The following NCR1 variants were observed in gnomAD, a reference collection of about 807,000 sequenced individuals.
The protein encoded by NCR1 is natural cytotoxicity triggering receptor 1.
NCR1 carries 30 observed loss-of-function variants against 32.5 expected under a neutral mutation model. The ratio of observed to expected loss-of-function variants is 0.92; its 90% CI spans 0.69 to 1.25. NCR1 has a LOEUF of 1.25. NCR1 is among the 50% of genes most tolerant of loss of function. The probability of loss-of-function intolerance (pLI) is 0.00; values close to 1 mark genes in which losing one functional copy is unlikely to be tolerated. For missense variants in NCR1, 369 were observed against 380.7 expected, an observed-to-expected ratio of 0.97 and a Z score of 0.26; for synonymous variants, 169 against 143.4, an observed-to-expected ratio of 1.18 and a Z score of -1.28.
At chr19:54,903,088 C>T (rs1413018241), upstream of NCR1, among the ~76,000 whole-genome samples, 2 of 151,718 alleles carry the variant, frequency 1.3e-5, no homozygotes, top group African/African-American at 4.8e-5. Flanking sequence ...TGAGATTGCA[C>T]CACTGCACCC....
At chr19:54,906,030 G>A, upstream of NCR1, 1 of 837,976 alleles carries the variant, frequency 1.2e-6, no homozygotes, top group South Asian at 1.5e-5. Flanking sequence ...CATGGTCAGA[G>A]GCGGAGGGGA....
At chr19:54,924,801 T>A in the NCR1 span, among the ~76,000 whole-genome samples, 3 of 152,054 alleles carry the variant, frequency 2.0e-5, no homozygotes, top group African/African-American at 7.2e-5. Context: ...CTGGGCATGG[T>A]GGCAGACAAC....
At chr19:54,927,993 C>T in the NCR1 span, among the ~76,000 whole-genome samples, 18 of 152,154 alleles carry the variant, frequency 1.2e-4, no homozygotes, top group Non-Finnish European at 2.4e-4. Flanking sequence ...CTTGGGAGGC[C>T]GAGGAGGGTA....
upstream of NCR1, among the ~76,000 whole-genome samples, chr19:54,901,338 G>A (rs587693688): frequency 7.9e-6 from 1 of 127,332 alleles, no homozygotes; most frequent in African/African-American, 3.1e-5. Flanking sequence ...TCCAGCATGG[G>A]TGACAGAGCG....
chr19:54,906,049 C>A (rs886872298), upstream of NCR1: 2 of 1,011,792 alleles, frequency 2.0e-6, no homozygotes, highest in Non-Finnish European at 1.5e-6. Context: ...GAGTTGTGAA[C>A]GTTCTGATGA....
chr19:54,934,413 G>C, the NCR1 span: 1 of 1,482,914 alleles, frequency 6.7e-7, no homozygotes, highest in African/African-American at 1.4e-5. This position sits in a 1 kb window ranked among gnomAD's most constrained non-coding sequence, Gnocchi z 6.7. Flanking sequence ...GGGTGGCGCA[G>C]TAAGTCAGGT....
chr19:54,912,383 G>T (rs1422599848), intron 6 of NCR1, among the ~76,000 whole-genome samples, 165 bp downstream of exon 6: 2 of 151,798 alleles, frequency 1.3e-5, no homozygotes, highest in Admixed American at 1.3e-4. Flanking sequence ...GATCATCTGA[G>T]GTCGGGAGTT....
At chr19:54,899,259 G>A in the NCR1 span, among the ~76,000 whole-genome samples, 2 of 152,122 alleles carry the variant, frequency 1.3e-5, no homozygotes, top group African/African-American at 4.8e-5. Flanking sequence ...AGTTTGTATT[G>A]GGGTCAAGCA....
rs368711130 is a variant in NCR1 at position 54,908,635 on chromosome 19, C to T, written c.356-610C>T. Among the ~76,000 whole-genome samples, 22 of 144,344 alleles carry T rather than the reference C, an allele frequency of 1.5e-4. No individual in the cohort carries two copies. The South Asian group carries it at 1.6e-3, about 10-fold the overall frequency. 94.7% of individuals were successfully genotyped at this position (144,344 alleles called of 152,430 possible). A position where few individuals can be genotyped will look rare whatever the true frequency, so the allele number is the denominator to read the frequency against. ...GGGGGCTGCCCCCCAACCTCCCGGA[C>T]GGGGCGGCTGGCCGGGGCTTTTTTT... On this transcript the variant is annotated intron_variant, in intron 3 of 6. Coordinates refer to ENST00000291890, the MANE Select transcript of NCR1 (RefSeq NM_004829.7).
At chr19:54,926,085 T>C in the NCR1 span, among the ~76,000 whole-genome samples, 1 of 151,238 alleles carries the variant, frequency 6.6e-6, no homozygotes, top group Admixed American at 6.6e-5. Context: ...AAAATACAAA[T>C]AAGTCATTGA....
the NCR1 span, among the ~76,000 whole-genome samples, chr19:54,929,836 C>T: frequency 2.0e-5 from 3 of 151,970 alleles, no homozygotes; most frequent in Admixed American, 6.6e-5. Context: ...AGAAATTGGC[C>T]GGGCGTGGTG....
At chr19:54,921,600 C>T in the NCR1 span, among the ~76,000 whole-genome samples, 1 of 152,054 alleles carries the variant, frequency 6.6e-6, no homozygotes, top group African/African-American at 2.4e-5. Flanking sequence ...GGTGAAACCT[C>T]GTCTTTACTA....
upstream of NCR1, among the ~76,000 whole-genome samples, chr19:54,903,456 A>ATATG (rs1213140461): frequency 4.1e-5 from 5 of 122,950 alleles, no homozygotes; most frequent in African/African-American, 1.5e-4. Flanking sequence ...GTATATACAT[A>ATATG]TATGTATGTA....
chr19:54,906,343 T>G lies in NCR1; in HGVS notation c.70+9T>G. On this transcript the variant is annotated intron_variant, in intron 2 of 6. Coordinates refer to ENST00000291890, the MANE Select transcript of NCR1 (RefSeq NM_004829.7). The stretch of plus-strand genomic sequence containing the variant: ...GATCAGCGCCCAGCAGCGTGAGTCC[T>G]TCCTTCAAAGCCCAGGGTCACTCTT... The G allele has an allele frequency of 6.2e-7, 1 of 1,613,200 alleles. No homozygotes were observed. The highest frequency in any genetic ancestry group is 8.5e-7 in the Non-Finnish European group (1 of 1,179,982).
At chr19:54,916,632 C>G (rs138349187), downstream of NCR1, among the ~76,000 whole-genome samples, 3 of 150,584 alleles carry the variant, frequency 2.0e-5, no homozygotes, top group African/African-American at 7.3e-5. Flanking sequence ...TGACCAACAT[C>G]TTCCTCTCCT....
At chr19:54,929,853 G>A in the NCR1 span, among the ~76,000 whole-genome samples, 71 of 152,182 alleles carry the variant, frequency 4.7e-4, no homozygotes, top group African/African-American at 1.3e-3. Context: ...GGTGGCTCAC[G>A]CCTGTAATCC....
At chr19:54,924,663 C>T in the NCR1 span, among the ~76,000 whole-genome samples, 3 of 151,998 alleles carry the variant, frequency 2.0e-5, no homozygotes, top group South Asian at 4.2e-4. Flanking sequence ...GGCTGGTGCA[C>T]GGTGACTCAC....
At chr19:54,904,933 G>A (rs1569536070), upstream of NCR1, among the ~76,000 whole-genome samples, 1 of 152,166 alleles carries the variant, frequency 6.6e-6, no homozygotes, top group East Asian at 1.9e-4. Context: ...TTTCAAGGCT[G>A]TATAGCGTTC....
At chr19:54,927,779 T>C in the NCR1 span, 2 of 1,613,646 alleles carry the variant, frequency 1.2e-6, no homozygotes, top group Admixed American at 1.7e-5. Flanking sequence ...CCAGAGGCTG[T>C]TGAGGAAGAA....
Sources: gnomAD v4.1 joint callset for allele counts (sites outside exome capture counted in the v4.1 genomes callset) on GRCh38, gnomAD v4.1.1 for gene constraint, Gnocchi (gnomAD v3.1) non-coding constraint, MANE v1.5 for transcripts, NCBI Gene and HGNC (gene_info 2026-07-23, HGNC 2026-07-21) for gene names.